Variants in TRPC4AP observed in about 807,000 individuals in gnomAD.
The protein encoded by TRPC4AP is transient receptor potential cation channel subfamily C member 4 associated protein, also known as short transient receptor potential channel 4-associated protein.
In TRPC4AP, 45 loss-of-function variants were observed where a neutral mutation model predicts 99.0. The ratio of observed to expected loss-of-function variants is 0.45; its 90% CI spans 0.36 to 0.58. The LOEUF is 0.58. Among genes scored for constraint, TRPC4AP ranks in the 20% least tolerant of loss-of-function variants. The pLI, the probability that TRPC4AP is intolerant of heterozygous loss-of-function variation, is 0.00. For missense variants in TRPC4AP, 879 were observed against 985.3 expected, an observed-to-expected ratio of 0.89 and a Z score of 1.44; for synonymous variants, 408 against 385.8, an observed-to-expected ratio of 1.06 and a Z score of -0.67.
chr20:35,078,647 A>C (rs1440169136), intron 1 of TRPC4AP, among the ~76,000 whole-genome samples: 1 of 152,256 alleles, frequency 6.6e-6, no homozygotes, highest in Non-Finnish European at 1.5e-5. Flanking sequence ...CACTGTAAAT[A>C]TCTATGAATG....
In TRPC4AP at chr20:35,003,274, T is replaced by G. The variant is rs140196281; in HGVS notation, c.2266A>C (p.Ile756Leu). Residue 756 changes from isoleucine to leucine, a missense_variant, in exon 19 of 19, where the codon ATC (isoleucine) becomes CTC (leucine). By Grantham distance (5) the Ile-to-Leu change is conservative. Around this residue, in one of 3 missense-constraint regions of TRPC4AP, gnomAD observed 224 missense variants for 264.7 expected, o/e 0.85. Transcript: ENST00000252015. ...DSTCLENSSC[I>L]SFSYWKETVS... Reference sequence around the variant, plus strand: ...GTCTCCTTCCAGTATGAGAAGCTGATGCAGGAGCTCTGGGCAAAGAGGGAG... The same window carrying G: ...GTCTCCTTCCAGTATGAGAAGCTGAGGCAGGAGCTCTGGGCAAAGAGGGAG... The G allele has an allele frequency of 6.2e-7, 1 of 1,614,036 alleles. No homozygotes were observed. Among genetic ancestry groups the G allele is most frequent in the Admixed American group, 1.7e-5 (1 of 60,028 alleles).
intron 4 of TRPC4AP, among the ~76,000 whole-genome samples, chr20:35,057,224 G>A (rs1176679843): frequency 2.0e-5 from 3 of 152,102 alleles, no homozygotes; most frequent in South Asian, 4.1e-4. Flanking sequence ...TACTCTCTCA[G>A]CTAGTTATAT....
At chr20:35,037,589 T>C (rs577901803) in intron 7 of TRPC4AP, among the ~76,000 whole-genome samples, 1 of 152,256 alleles carries the variant, frequency 6.6e-6, no homozygotes, top group East Asian at 1.9e-4. Flanking sequence ...TATAAAGGAA[T>C]GAAGTACTGA....
chr20:35,057,565 C>A lies in TRPC4AP; in HGVS notation c.421G>T (p.Val141Leu), dbSNP rs2083868516. Reference sequence around the variant, plus strand: ...ATCGTAGGCCTCATAAGAATTTCTACAAGAAGCTATAAAAAAAATTAGATA... The same window carrying A: ...ATCGTAGGCCTCATAAGAATTTCTAAAAGAAGCTATAAAAAAAATTAGATA... ...FDLFGGVDLL[V>L]EILMRPTISI... Residue 141 changes from valine to leucine, a missense_variant, in exon 4 of 19, where the codon GTA becomes TTA. Transcript: ENST00000252015. 3.1e-6 allele frequency: 5 copies of A among 1,608,218 alleles called. No individual in the cohort carries two copies. The highest frequency in any genetic ancestry group is 4.2e-6 in the Non-Finnish European group (5 of 1,176,684).
At chr20:35,021,898 T>C (rs2082899230) in intron 8 of TRPC4AP, among the ~76,000 whole-genome samples, 1 of 152,258 alleles carries the variant, frequency 6.6e-6, no homozygotes, top group African/African-American at 2.4e-5. Context: ...CTGATGCTAC[T>C]GATGCAGATG....
At chr20:35,072,663 C>T (rs2084350181) in intron 2 of TRPC4AP, among the ~76,000 whole-genome samples, 1 of 152,144 alleles carries the variant, frequency 6.6e-6, no homozygotes, top group Admixed American at 6.5e-5. Flanking sequence ...GTAATAGTAC[C>T]ATGCTGTTTT....
At chr20:35,044,417 A>T in intron 7 of TRPC4AP, 88 bp downstream of exon 7, 4 of 1,247,038 alleles carry the variant, frequency 3.2e-6, no homozygotes, top group Non-Finnish European at 4.5e-6. Flanking sequence ...AAAAAAAAAG[A>T]AAAGAAAAGA....
chr20:35,034,847 G>A (rs2083282615), intron 8 of TRPC4AP, among the ~76,000 whole-genome samples: 1 of 152,164 alleles, frequency 6.6e-6, no homozygotes, highest in Admixed American at 6.5e-5. Context: ...TCCTAAGAAT[G>A]CTCTGGTTAC....
chr20:35,018,604 G>GAAAAAAAAAAAAAAAAAAAA (rs11479211), intron 9 of TRPC4AP, among the ~76,000 whole-genome samples: 9 of 88,938 alleles, frequency 1.0e-4, no homozygotes, highest in South Asian at 4.1e-4. Flanking sequence ...CTCAAAAAAA[G>GAAAAAAAAAAAAAAAAAAAA]AAAAAAAAAA....
intron 8 of TRPC4AP, among the ~76,000 whole-genome samples, chr20:35,026,646 T>C (rs11167253): frequency 0.19 from 28,166 of 152,166 alleles, 2,696 homozygotes; most frequent in Middle Eastern, 0.34. Flanking sequence ...GTAAGGCTGA[T>C]CTATAGATCA....
chr20:35,071,194 T>A (rs113407747), intron 2 of TRPC4AP, among the ~76,000 whole-genome samples: 1,981 of 152,340 alleles, frequency 0.013, 42 homozygotes, highest in African/African-American at 0.045. Context: ...TGTGATATAA[T>A]AATCAAAACT....
chr20:35,063,313 T>C (rs1007011729), intron 3 of TRPC4AP, among the ~76,000 whole-genome samples: 1 of 152,202 alleles, frequency 6.6e-6, no homozygotes, highest in Non-Finnish European at 1.5e-5. Context: ...GTCTCAGGTA[T>C]TTCTTCATTG....
chr20:35,053,143 T>G (rs1281262542), intron 5 of TRPC4AP, among the ~76,000 whole-genome samples: 1 of 152,202 alleles, frequency 6.6e-6, no homozygotes, highest in African/African-American at 2.4e-5. Flanking sequence ...ATCAAATCAA[T>G]GTACTTGGGA....
At chr20:35,006,147 A>C (rs2082510820) in intron 15 of TRPC4AP, among the ~76,000 whole-genome samples, 1 of 151,848 alleles carries the variant, frequency 6.6e-6, no homozygotes, top group South Asian at 2.1e-4. Flanking sequence ...GTCCCTCCCT[A>C]CAGCGGCTCC....
intron 1 of TRPC4AP, 146 bp downstream of exon 1, chr20:35,092,468 C>T: frequency 3.1e-6 from 3 of 976,370 alleles, no homozygotes; most frequent in Non-Finnish European, 4.2e-6. Context: ...CAGCTGAGAG[C>T]GTCCGGGCAG....
At chr20:35,021,548 T>C (rs74742197) in intron 8 of TRPC4AP, among the ~76,000 whole-genome samples, 192 bp from the exon 9 acceptor site, 1 of 152,156 alleles carries the variant, frequency 6.6e-6, no homozygotes, top group East Asian at 1.9e-4. Flanking sequence ...CTCGGAAAAA[T>C]GGACTCTGCA....
chr20:35,065,569 CCAG>C (rs2084121391), intron 3 of TRPC4AP, among the ~76,000 whole-genome samples: 1 of 152,144 alleles, frequency 6.6e-6, no homozygotes, highest in Admixed American at 6.5e-5. Flanking sequence ...GAAAATACTA[CCAG>C]CAGCAGGACA....
intron 7 of TRPC4AP, among the ~76,000 whole-genome samples, chr20:35,036,569 G>A (rs977047391): frequency 2.0e-5 from 3 of 152,184 alleles, no homozygotes; most frequent in Admixed American, 6.5e-5. Context: ...TGAAATATAT[G>A]CAGGTGAAAT....
chr20:35,039,952 T>C lies in TRPC4AP; in HGVS notation c.865+4553A>G, dbSNP rs1383329260. ...GTAAATTATCTGAGCCCCAGGAAGA[T>C]AGTGTAAATCATTATTTTTGCTAGA... On this transcript the variant is annotated intron_variant, in intron 7 of 18. Coordinates refer to ENST00000252015, the MANE Select transcript of TRPC4AP (RefSeq NM_015638.3). 3.3e-5 allele frequency among the ~76,000 whole-genome samples: 5 copies of C among 151,350 alleles called. No homozygotes were observed. The East Asian group carries it at 7.9e-4, about 24-fold the overall frequency.
Sources: allele counts gnomAD v4.1 joint callset (sites outside exome capture counted in the v4.1 genomes callset), GRCh38; gene constraint gnomAD v4.1.1; regional missense constraint gnomAD v4.1.1; transcripts MANE v1.5; gene names NCBI Gene and HGNC (gene_info 2026-07-23, HGNC 2026-07-21).